Variants in AGBL1 observed in about 807,000 individuals in gnomAD.
The protein encoded by AGBL1 is AGBL carboxypeptidase 1, also known as cytosolic carboxypeptidase 4.
AGBL1 carries 130 observed loss-of-function variants against 118.9 expected under a neutral mutation model. That is an observed-to-expected ratio of 1.09 (90% CI 0.95 to 1.26). AGBL1 has a LOEUF of 1.26. Ranked by LOEUF, AGBL1 falls within the 50% of genes most tolerant of loss-of-function variation. The probability of loss-of-function intolerance (pLI) is 0.00; values close to 1 mark genes in which losing one functional copy is unlikely to be tolerated. For missense variants in AGBL1, 1,584 were observed against 1,298.1 expected (o/e 1.22, Z -3.38); for synonymous variants, 555 against 478.9 (o/e 1.16, Z -2.08).
intron 21 of AGBL1, among the ~76,000 whole-genome samples, chr15:86,607,987 G>A (rs2084601970): frequency 6.6e-6 from 1 of 152,084 alleles, no homozygotes; most frequent in Admixed American, 6.6e-5. Context: ...TTGCTAAGCT[G>A]GAGGACCACT....
chr15:86,793,662 CAAG>C (rs1234829036), intron 22 of AGBL1, among the ~76,000 whole-genome samples: 5 of 152,108 alleles, frequency 3.3e-5, no homozygotes, highest in African/African-American at 1.2e-4. Context: ...AGGAAACTAT[CAAG>C]AAAGTAAAAA....
At chr15:86,866,680 C>T (rs1186751144) in intron 22 of AGBL1, among the ~76,000 whole-genome samples, 4 of 152,122 alleles carry the variant, frequency 2.6e-5, no homozygotes, top group Non-Finnish European at 5.9e-5. Flanking sequence ...ATGGTAAAAC[C>T]CCGTCTCTAC....
intron 16 of AGBL1, among the ~76,000 whole-genome samples, chr15:86,282,314 T>C (rs2079368045): frequency 6.6e-6 from 1 of 152,198 alleles, no homozygotes; most frequent in Admixed American, 6.5e-5. Context: ...TTGATGCTTA[T>C]TGGCTTGTTA....
At chr15:87,001,445 T>G (rs1303373693) in intron 24 of AGBL1, among the ~76,000 whole-genome samples, 1 of 152,074 alleles carries the variant, frequency 6.6e-6, no homozygotes, top group Admixed American at 6.6e-5. Flanking sequence ...TAAATATGTG[T>G]GCATGTGTCT....
At chr15:86,345,053 C>A (rs182454153) in intron 17 of AGBL1, among the ~76,000 whole-genome samples, 2 of 152,174 alleles carry the variant, frequency 1.3e-5, no homozygotes, top group East Asian at 3.9e-4. Flanking sequence ...TTTCAGGCAC[C>A]GTTTTAGACT....
rs2083579503 is a variant in AGBL1, at chr15:86,546,221, G to GTGT, written c.2817+89_2817+90insGTT. On this transcript the variant is annotated intron_variant, in intron 20 of 22. Coordinates refer to ENST00000614907, the MANE Select transcript of AGBL1 (RefSeq NM_001386094.1). ...AGACCATGCCCCACTCATTTATTTA[G>GTGT]TTTTTTTTTTTTTTTGTAAATAAGC... The GTGT allele has an allele frequency of 1.8e-4, 191 of 1,064,062 alleles. No homozygotes were observed. In the East Asian group the frequency reaches 3.4e-3, roughly 19 times the overall value. The allele number at this position is 1,064,062 out of a possible 1,614,324, so 65.9% of individuals were successfully genotyped here.
At chr15:86,687,276 T>C (rs780038241) in intron 22 of AGBL1, among the ~76,000 whole-genome samples, 1 of 152,134 alleles carries the variant, frequency 6.6e-6, no homozygotes, top group Non-Finnish European at 1.5e-5. Context: ...CAGGCACCTC[T>C]GTCTGCAAAG....
At chr15:86,443,193 G>C (rs1596121540) in intron 18 of AGBL1, among the ~76,000 whole-genome samples, 1 of 152,196 alleles carries the variant, frequency 6.6e-6, no homozygotes, top group African/African-American at 2.4e-5. Flanking sequence ...CTGCCGCAGG[G>C]CACCAGGGAT....
Position 86,247,763 on chromosome 15 carries a change from T to C in AGBL1, c.619T>C (p.Tyr207His), listed in dbSNP as rs1417251810. Residue 207 changes from tyrosine to histidine, a missense_variant, in exon 7 of 23, where the codon TAC becomes CAC. By Grantham distance (83) the Tyr-to-His change is moderately conservative. Coordinates refer to ENST00000614907, the MANE Select transcript of AGBL1 (RefSeq NM_001386094.1). ...DWHSHDTANAYVQIRRGLLLC... is the reference protein window; with the variant it reads ...DWHSHDTANAHVQIRRGLLLC... ...GCACAGCCATGACACAGCCAACGCC[T>C]ACGTGCAGATCCGACGGGGCTTGCT... is the stretch of plus-strand genomic sequence containing the variant. 6.2e-7 allele frequency: 1 copy of C among 1,613,930 alleles called. No homozygotes were observed. Among genetic ancestry groups the C allele is most frequent in the Non-Finnish European group, 8.5e-7 (1 of 1,179,884 alleles).
intron 6 of AGBL1, among the ~76,000 whole-genome samples, chr15:86,243,828 G>T (rs562706193): frequency 3.3e-5 from 5 of 152,164 alleles, no homozygotes; most frequent in Middle Eastern, 3.4e-3. Context: ...GGCCAACATG[G>T]TGAAACCCCG....
chr15:86,242,986 G>A (rs1054180432), intron 6 of AGBL1, among the ~76,000 whole-genome samples: 1 of 152,190 alleles, frequency 6.6e-6, no homozygotes, highest in African/African-American at 2.4e-5. Context: ...GCCTTCACGA[G>A]CTAGGCAGGT....
At chr15:86,473,717 A>T (rs1021016781) in intron 18 of AGBL1, among the ~76,000 whole-genome samples, 2 of 152,154 alleles carry the variant, frequency 1.3e-5, no homozygotes, top group Non-Finnish European at 1.5e-5. Context: ...CCAAATTGTG[A>T]TGCTTATGTT....
chr15:86,902,774 T>C (rs935259129), intron 22 of AGBL1, among the ~76,000 whole-genome samples: 6 of 152,174 alleles, frequency 3.9e-5, no homozygotes, highest in South Asian at 2.1e-4. Context: ...TTTGCTGCCA[T>C]TCTAATTGCT....
intron 22 of AGBL1, among the ~76,000 whole-genome samples, chr15:86,729,156 A>G (rs1301833952): frequency 6.6e-6 from 1 of 152,204 alleles, no homozygotes; most frequent in Admixed American, 6.5e-5. Flanking sequence ...CCAGGTCTCT[A>G]GAGTATTCTA....
chr15:86,100,097 A>G (rs906684570), intron 1 of AGBL1, among the ~76,000 whole-genome samples: 1 of 152,006 alleles, frequency 6.6e-6, no homozygotes, highest in African/African-American at 2.4e-5. Context: ...GGATTGTCAG[A>G]TGGCTTTTAT....
chr15:86,709,204 G>A lies in AGBL1; in HGVS notation c.3158+34768G>A, dbSNP rs771429410. On this transcript the variant is annotated intron_variant, in intron 22 of 22. Coordinates refer to ENST00000614907, the MANE Select transcript of AGBL1 (RefSeq NM_001386094.1). ...TCATCTGAAGACAGACTCAATCCAG[G>A]CACTTGTATAAAACTTTTCTTACAT... Among the ~76,000 whole-genome samples the A allele has an allele frequency of 4.7e-4, 72 of 152,140 alleles. 1 individual carries two copies. Among genetic ancestry groups the A allele is most frequent in the South Asian group, 4.2e-4 (2 of 4,808 alleles).
chr15:86,533,158 A>G (rs1276425833), intron 19 of AGBL1, among the ~76,000 whole-genome samples: 1 of 65,894 alleles, frequency 1.5e-5, no homozygotes, highest in Non-Finnish European at 2.5e-5. Context: ...AGAAACTACC[A>G]TCAGAGTGAA....
At chr15:86,821,146 AG>A (rs1425880193) in intron 22 of AGBL1, among the ~76,000 whole-genome samples, 2 of 151,974 alleles carry the variant, frequency 1.3e-5, no homozygotes, top group African/African-American at 4.8e-5. Context: ...GGACACAGGG[AG>A]GGGAACATCA....
chr15:86,659,198 T>C (rs2085503477), intron 21 of AGBL1, among the ~76,000 whole-genome samples: 2 of 152,214 alleles, frequency 1.3e-5, no homozygotes, highest in South Asian at 4.1e-4. Flanking sequence ...TTTCACTTCA[T>C]CTGGCCTTGA....
Sources: allele counts gnomAD v4.1 joint callset (sites outside exome capture counted in the v4.1 genomes callset), GRCh38; gene constraint gnomAD v4.1.1; transcripts MANE v1.5; gene names NCBI Gene and HGNC (gene_info 2026-07-23, HGNC 2026-07-21).